NPLOC4: variants seen among roughly 807,000 people sequenced by gnomAD.
NPLOC4 encodes nuclear protein localization protein 4 homolog.
A neutral mutation model predicts 80.6 loss-of-function variants in NPLOC4; 18 were observed. That is an observed-to-expected ratio of 0.22 (90% CI 0.15 to 0.33). NPLOC4 has a LOEUF of 0.33. Among genes scored for constraint, NPLOC4 ranks in the 10% least tolerant of loss-of-function variants. The pLI, the probability that NPLOC4 is intolerant of heterozygous loss-of-function variation, is 1.00. For synonymous variants in NPLOC4, 313 were observed against 301.5 expected (o/e 1.04, Z -0.39); for missense variants, 540 against 786.1 (o/e 0.69, Z 3.74).
At chr17:81,563,745 T>A (rs890548731) in intron 16 of NPLOC4, 1 of 351,792 alleles carries the variant, frequency 2.8e-6, no homozygotes, top group South Asian at 2.1e-5. Context: ...TGAGACCTCA[T>A]TGATACAAAA....
chr17:81,600,454 G>A (rs1317547834), intron 8 of NPLOC4, 27 bp from the exon 9 acceptor site: 2 of 1,579,516 alleles, frequency 1.3e-6, no homozygotes, highest in Non-Finnish European at 1.7e-6. Context: ...GGAGAAGATG[G>A]ACTTAGAGCA....
intron 1 of NPLOC4, among the ~76,000 whole-genome samples, chr17:81,636,118 C>A (rs889305142): frequency 1.3e-5 from 2 of 152,000 alleles, no homozygotes; most frequent in African/African-American, 4.8e-5. Context: ...GATTACAGTG[C>A]GCCATGACGC....
chr17:81,584,348 A>C (rs1047314466), intron 12 of NPLOC4, among the ~76,000 whole-genome samples: 1 of 152,246 alleles, frequency 6.6e-6, no homozygotes, highest in Non-Finnish European at 1.5e-5. Context: ...AGAATGATTA[A>C]GGAAATGTCA....
At chr17:81,569,597 A>G (rs1199135821) in intron 13 of NPLOC4, among the ~76,000 whole-genome samples, 1 of 152,350 alleles carries the variant, frequency 6.6e-6, no homozygotes, top group Non-Finnish European at 1.5e-5. Context: ...CAAGACACAA[A>G]GCACCCTTCA....
Position 81,637,112 on chromosome 17 carries a change from C to T in NPLOC4, c.-182G>A, listed in dbSNP as rs1248168658. ...CGACGTCCCGGTGCCTCGCTCAATACGCTCCCCTCGGGCGCGAGGCCGGGA... is the reference window on the plus strand; with the variant it reads ...CGACGTCCCGGTGCCTCGCTCAATATGCTCCCCTCGGGCGCGAGGCCGGGA... On this transcript the variant is annotated 5_prime_UTR_variant, in exon 1 of 17. Transcript: ENST00000331134. 7.9e-6 allele frequency: 3 copies of T among 381,702 alleles called. No individual in the cohort carries two copies. In the East Asian group the frequency reaches 1.3e-4, roughly 16 times the overall value. 23.6% of individuals were successfully genotyped at this position (381,702 alleles called of 1,614,324 possible).
chr17:81,594,274 C>CAAAAAAAAAAAAA (rs869281063), intron 11 of NPLOC4, among the ~76,000 whole-genome samples: 17 of 53,660 alleles, frequency 3.2e-4, no homozygotes, highest in Admixed American at 8.8e-4. Flanking sequence ...GACTCCGTCT[C>CAAAAAAAAAAAAA]AAAAAAAAAA....
At position 81,622,006 on chromosome 17, in the gene NPLOC4, T is replaced by C. The variant is rs73369286; in HGVS notation, c.209+160A>G. 0.069 allele frequency among the ~76,000 whole-genome samples: 10,539 copies of C among 152,286 alleles called. 561 individuals are homozygous for C. Among genetic ancestry groups the C allele is most frequent in the East Asian group, 0.22 (1,148 of 5,188 alleles). On this transcript the variant is annotated intron_variant, in intron 3 of 16. Transcript: ENST00000331134. ...GTAACTGCAGATTCAGGATAATTAC[T>C]GAATTCCTGGCAAGCAACACGGTCA...
intron 2 of NPLOC4, 125 bp downstream of exon 2, chr17:81,629,600 G>C (rs543143885): frequency 4.2e-6 from 3 of 712,478 alleles, no homozygotes; most frequent in Non-Finnish European, 5.0e-6. Context: ...GATAGAGAAA[G>C]GCAATGCAAG....
chr17:81,615,707 G>T (rs76461600), intron 3 of NPLOC4, among the ~76,000 whole-genome samples: 18,239 of 152,208 alleles, frequency 0.12, 1,273 homozygotes, highest in Non-Finnish European at 0.15. Context: ...CTGCCCAGAG[G>T]GGGCAGCTGA....
At position 81,600,075 on chromosome 17, in the gene NPLOC4, A is replaced by G. The variant is rs567294213; in HGVS notation, c.921+266T>C. Among the ~76,000 whole-genome samples the G allele has an allele frequency of 3.3e-5, 5 of 152,180 alleles. No individual in the cohort carries two copies. In the South Asian group the frequency reaches 6.2e-4, roughly 19 times the overall value. ...TGAAGTGTGGCTGGAAGGCTGAAAT[A>G]TAACAGCCAGATCTGCACTGGGATT... is the stretch of plus-strand genomic sequence containing the variant. On this transcript the variant is annotated intron_variant, in intron 9 of 16. Coordinates refer to ENST00000331134, the MANE Select transcript of NPLOC4 (RefSeq NM_017921.4).
chr17:81,604,431 G>A (rs919378448), intron 8 of NPLOC4, 117 bp downstream of exon 8: 11 of 855,184 alleles, frequency 1.3e-5, no homozygotes, highest in East Asian at 1.1e-4. Context: ...CACGTGCACC[G>A]GTGTGTGACA....
rs1383861571 is a variant in NPLOC4, at chr17:81,567,738, C to T, written c.1450-205G>A. 1.3e-5 allele frequency among the ~76,000 whole-genome samples: 2 copies of T among 152,204 alleles called. No individual in the cohort carries two copies. The highest frequency in any genetic ancestry group is 4.8e-5 in the African/African-American group (2 of 41,454). ...CTTGCTCTCTTCTCCCAAGAAGATGCTCTCAGCACACCTGACTACCCAGAT... is the reference window on the plus strand; with the variant it reads ...CTTGCTCTCTTCTCCCAAGAAGATGTTCTCAGCACACCTGACTACCCAGAT... On this transcript the variant is annotated intron_variant, in intron 14 of 16. Transcript: ENST00000331134. The surrounding 1 kb of genome is among the most constrained non-coding windows in gnomAD (Gnocchi z 4.5).
intron 11 of NPLOC4, among the ~76,000 whole-genome samples, chr17:81,591,447 G>GAAAAAACAAA (rs2034737901): frequency 1.3e-5 from 1 of 76,326 alleles, no homozygotes; most frequent in Non-Finnish European, 2.4e-5. Flanking sequence ...GAGTAAAACA[G>GAAAAAACAAA]AAAAAAAAAA....
chr17:81,575,185 C>T (rs548402235), intron 12 of NPLOC4, among the ~76,000 whole-genome samples: 3 of 152,224 alleles, frequency 2.0e-5, no homozygotes, highest in South Asian at 2.1e-4. Context: ...CTGCAAGCTC[C>T]GCCTCCCGGG....
At position 81,589,768 on chromosome 17, in the gene NPLOC4, C is replaced by T. The variant is rs146253575; in HGVS notation, c.1121-664G>A. 5.5e-3 allele frequency among the ~76,000 whole-genome samples: 833 copies of T among 150,274 alleles called. 10 individuals carry two copies. The highest frequency in any genetic ancestry group is 0.019 in the African/African-American group (780 of 40,780). On this transcript the variant is annotated intron_variant, in intron 11 of 16. Coordinates refer to ENST00000331134, the MANE Select transcript of NPLOC4 (RefSeq NM_017921.4). ...ATCTGAGCACTCTGAGAGGGCAGGG[C>T]GGGAGGACTGCTTGAGCCCAGGAGT...
At chr17:81,568,964 G>T (rs182267912) in intron 14 of NPLOC4, 52 bp downstream of exon 14, 226 of 1,133,636 alleles carry the variant, frequency 2.0e-4, no homozygotes, top group Admixed American at 3.5e-4. Flanking sequence ...ACTGACACTA[G>T]ATAACAATCA....
At chr17:81,632,700 T>C (rs1203720379) in intron 1 of NPLOC4, among the ~76,000 whole-genome samples, 1 of 152,188 alleles carries the variant, frequency 6.6e-6, no homozygotes, top group African/African-American at 2.4e-5. Context: ...TCAACCATTA[T>C]GCAGATGAAA....
intron 8 of NPLOC4, among the ~76,000 whole-genome samples, chr17:81,602,088 G>C (rs2035071739): frequency 6.6e-6 from 1 of 152,122 alleles, no homozygotes; most frequent in South Asian, 2.1e-4. Flanking sequence ...ATGCGTGTGT[G>C]TATGTGCTTA....
intron 11 of NPLOC4, among the ~76,000 whole-genome samples, chr17:81,594,149 C>A (rs533568968): frequency 1.2e-4 from 18 of 151,732 alleles, no homozygotes; most frequent in African/African-American, 4.1e-4. Flanking sequence ...GTAGCGGGCA[C>A]CTGTAGTCCC....
Sources: gnomAD v4.1 joint callset for allele counts (sites outside exome capture counted in the v4.1 genomes callset) on GRCh38, gnomAD v4.1.1 for gene constraint, Gnocchi (gnomAD v3.1) non-coding constraint, MANE v1.5 for transcripts, NCBI Gene and HGNC (gene_info 2026-07-23, HGNC 2026-07-21) for gene names.